RAPGEF4: variants seen among roughly 807,000 people sequenced by gnomAD.
The protein encoded by RAPGEF4 is Rap guanine nucleotide exchange factor 4, also known as RAP guanine-nucleotide-exchange factor (GEF) 4.
Under a neutral mutation model 147.9 loss-of-function variants are expected in RAPGEF4, and 66 were observed. That is an observed-to-expected ratio of 0.45 (90% CI 0.37 to 0.55). RAPGEF4 has a LOEUF of 0.55. Among genes scored for constraint, RAPGEF4 ranks in the 20% least tolerant of loss-of-function variants. The probability of loss-of-function intolerance (pLI) is 0.00; values close to 1 mark genes in which losing one functional copy is unlikely to be tolerated. For missense variants in RAPGEF4, 1,071 were observed against 1,257.3 expected, an observed-to-expected ratio of 0.85 and a Z score of 2.24; for synonymous variants, 419 against 442.7, an observed-to-expected ratio of 0.95 and a Z score of 0.67.
intron 4 of RAPGEF4, among the ~76,000 whole-genome samples, chr2:172,880,892 A>T (rs1377946337): frequency 6.6e-6 from 1 of 152,196 alleles, no homozygotes; most frequent in Non-Finnish European, 1.5e-5. Context: ...ACTCTTAGTG[A>T]TTGTTGTCTA....
At chr2:173,005,965 G>A (rs773060869) in intron 17 of RAPGEF4, among the ~76,000 whole-genome samples, 1 of 19,306 alleles carries the variant, frequency 5.2e-5, no homozygotes, top group Non-Finnish European at 1.0e-4. Context: ...CAACATTCAT[G>A]CCTTATTACT....
intron 6 of RAPGEF4, among the ~76,000 whole-genome samples, chr2:172,955,774 G>A (rs750654034): frequency 6.6e-6 from 1 of 152,148 alleles, no homozygotes; most frequent in African/African-American, 2.4e-5. Context: ...CTAGCCTAGC[G>A]CTCAGCAGGA....
chr2:172,794,634 T>C (rs1328715405), intron 1 of RAPGEF4, among the ~76,000 whole-genome samples: 1 of 152,214 alleles, frequency 6.6e-6, no homozygotes, highest in East Asian at 1.9e-4. Flanking sequence ...CCTTATATCT[T>C]GCTCTTTCTA....
chr2:172,981,325 AG>A (rs749451796), intron 10 of RAPGEF4, among the ~76,000 whole-genome samples: 1 of 152,236 alleles, frequency 6.6e-6, no homozygotes, highest in Non-Finnish European at 1.5e-5. Flanking sequence ...CCTCTATAGT[AG>A]TAGATGGATG....
intron 4 of RAPGEF4, among the ~76,000 whole-genome samples, chr2:172,880,599 A>G (rs1464605222): frequency 6.6e-6 from 1 of 152,256 alleles, no homozygotes; most frequent in Non-Finnish European, 1.5e-5. Context: ...AATGTATAGA[A>G]GCACGATAAT....
chr2:172,983,079 T>G (rs984353899), intron 10 of RAPGEF4, among the ~76,000 whole-genome samples: 20 of 152,354 alleles, frequency 1.3e-4, no homozygotes, highest in African/African-American at 3.8e-4. Context: ...ACACAGGATC[T>G]CAAGGAATTT....
At chr2:172,890,945 C>T (rs1402929165) in intron 4 of RAPGEF4, among the ~76,000 whole-genome samples, 2 of 152,220 alleles carry the variant, frequency 1.3e-5, no homozygotes, top group African/African-American at 4.8e-5. Context: ...GCCTGGCCAA[C>T]ATGGCGAAAC....
intron 4 of RAPGEF4, among the ~76,000 whole-genome samples, chr2:172,873,917 C>G (rs1271781110): frequency 6.6e-6 from 1 of 152,164 alleles, no homozygotes; most frequent in Non-Finnish European, 1.5e-5. Context: ...CAAAAGAAGA[C>G]ATTTATGCGG....
At chr2:172,794,067 G>A (rs1310076686) in intron 1 of RAPGEF4, among the ~76,000 whole-genome samples, 1 of 152,036 alleles carries the variant, frequency 6.6e-6, no homozygotes. Flanking sequence ...GGTCAAGGCT[G>A]CAGTGAGCCA....
At chr2:172,993,259 C>T (rs925540450) in intron 15 of RAPGEF4, among the ~76,000 whole-genome samples, 9 of 152,096 alleles carry the variant, frequency 5.9e-5, no homozygotes, top group African/African-American at 1.2e-4. Context: ...AGCCCTTAGT[C>T]GTTTACTGTT....
At chr2:172,947,123 T>C (rs550741781) in intron 6 of RAPGEF4, among the ~76,000 whole-genome samples, 15 of 152,302 alleles carry the variant, frequency 9.8e-5, no homozygotes, top group South Asian at 6.2e-4. Context: ...ACTCAAATCA[T>C]TGGGCTTCCT....
intron 29 of RAPGEF4, chr2:173,048,393 A>G (rs1685767715): frequency 8.9e-7 from 1 of 1,117,520 alleles, no homozygotes; most frequent in South Asian, 2.0e-5. Context: ...AATATTCCTT[A>G]CCTGAAAATG....
intron 4 of RAPGEF4, among the ~76,000 whole-genome samples, chr2:172,817,235 C>G (rs1168948583): frequency 6.6e-6 from 1 of 152,062 alleles, no homozygotes; most frequent in East Asian, 1.9e-4. Flanking sequence ...GGCTTCTATT[C>G]CGCTCAGAGG....
intron 27 of RAPGEF4, 97 bp downstream of exon 27, chr2:173,034,061 C>A: frequency 8.7e-7 from 1 of 1,148,410 alleles, no homozygotes; most frequent in Non-Finnish European, 1.2e-6. Flanking sequence ...TTTTATCTGT[C>A]CTTATATGAC....
At chr2:172,857,510 T>C (rs965946862) in intron 4 of RAPGEF4, among the ~76,000 whole-genome samples, 2 of 152,212 alleles carry the variant, frequency 1.3e-5, no homozygotes, top group African/African-American at 4.8e-5. Context: ...CATGAGCTCT[T>C]GGTTAACTAC....
At chr2:172,935,378 C>A (rs1174481678) in intron 6 of RAPGEF4, among the ~76,000 whole-genome samples, 1 of 152,128 alleles carries the variant, frequency 6.6e-6, no homozygotes, top group Non-Finnish European at 1.5e-5. Context: ...CACATGGCTC[C>A]CCTATCCCCA....
intron 10 of RAPGEF4, among the ~76,000 whole-genome samples, chr2:172,980,512 A>C: frequency 6.6e-6 from 1 of 152,186 alleles, no homozygotes; most frequent in African/African-American, 2.4e-5. Flanking sequence ...TGTTCAATAA[A>C]GCAGGAAGGG....
chr2:172,917,759 C>G (rs752294198), intron 4 of RAPGEF4, 43 bp from the exon 5 acceptor site: 2 of 1,510,550 alleles, frequency 1.3e-6, no homozygotes, highest in South Asian at 2.3e-5. Context: ...ATGCTCAAAG[C>G]AAGTAAATAT....
At chr2:172,887,469 G>A (rs1202189562) in intron 4 of RAPGEF4, among the ~76,000 whole-genome samples, 11 of 152,208 alleles carry the variant, frequency 7.2e-5, no homozygotes, top group African/African-American at 2.7e-4. Context: ...CTCTAGGGCA[G>A]GGGTTGTGAA....
Sources: gnomAD v4.1 joint callset for allele counts (sites outside exome capture counted in the v4.1 genomes callset) on GRCh38, gnomAD v4.1.1 for gene constraint, MANE v1.5 for transcripts, NCBI Gene and HGNC (gene_info 2026-07-23, HGNC 2026-07-21) for gene names.